The following SUGCT variants were observed in gnomAD, a reference collection of about 807,000 sequenced individuals.
The protein encoded by SUGCT is succinyl-CoA:glutarate CoA-transferase.
A neutral mutation model predicts 55.0 loss-of-function variants in SUGCT; 41 were observed. The observed-to-expected ratio is 0.74, with a 90% CI of 0.58 to 0.97. The LOEUF (loss-of-function observed/expected upper bound fraction) is 0.97, where lower values mean the gene tolerates loss of function less well. Ranked by LOEUF, SUGCT falls within the 50% of genes least tolerant of loss-of-function variation. SUGCT has a pLI of 0.00. For missense variants in SUGCT, 568 were observed against 547.8 expected, an observed-to-expected ratio of 1.04 and a Z score of -0.37; for synonymous variants, 187 against 200.4, an observed-to-expected ratio of 0.93 and a Z score of 0.56.
At chr7:40,342,118 G>GC (rs1330393923) in intron 9 of SUGCT, among the ~76,000 whole-genome samples, 7 of 152,306 alleles carry the variant, frequency 4.6e-5, no homozygotes, top group African/African-American at 1.7e-4. Context: ...GGCAGGGGAA[G>GC]CCCCTGAGAA....
intron 12 of SUGCT, among the ~76,000 whole-genome samples, chr7:40,556,560 T>C (rs555914417): frequency 2.4e-4 from 36 of 152,334 alleles, no homozygotes; most frequent in Non-Finnish European, 5.0e-4. Context: ...ATTTGTAGAA[T>C]GAATGAATGC....
At chr7:40,394,374 A>G (rs1369537332) in intron 9 of SUGCT, among the ~76,000 whole-genome samples, 2 of 152,192 alleles carry the variant, frequency 1.3e-5, no homozygotes, top group Non-Finnish European at 2.9e-5. Flanking sequence ...CCCTGTTGCA[A>G]CTACTTAATT....
intron 9 of SUGCT, among the ~76,000 whole-genome samples, chr7:40,344,051 C>T (rs73688047): frequency 0.015 from 2,313 of 152,190 alleles, 49 homozygotes; most frequent in South Asian, 0.059. Context: ...TTTTGTATTC[C>T]CTAGGTAACT....
the SUGCT span, among the ~76,000 whole-genome samples, chr7:40,882,105 C>A: frequency 6.6e-6 from 1 of 152,168 alleles, no homozygotes; most frequent in Non-Finnish European, 1.5e-5. Context: ...ACCAGATCTG[C>A]CACACACAGG....
At chr7:40,277,515 C>G (rs1194437170) in intron 8 of SUGCT, among the ~76,000 whole-genome samples, 1 of 151,988 alleles carries the variant, frequency 6.6e-6, no homozygotes, top group Non-Finnish European at 1.5e-5. Context: ...AGCAAGAGTT[C>G]TGTTTCTTTA....
the SUGCT span, among the ~76,000 whole-genome samples, chr7:40,998,037 T>C: frequency 6.6e-6 from 1 of 152,138 alleles, no homozygotes; most frequent in Non-Finnish European, 1.5e-5. Flanking sequence ...TCTGTAGTTT[T>C]AAGAAGAATT....
intron 12 of SUGCT, among the ~76,000 whole-genome samples, chr7:40,591,212 T>C (rs1211123016): frequency 6.6e-6 from 1 of 152,194 alleles, no homozygotes; most frequent in East Asian, 1.9e-4. Context: ...CCAATATTAA[T>C]CAGGGTTTGG....
At chr7:40,214,563 T>G (rs1047245197) in intron 6 of SUGCT, among the ~76,000 whole-genome samples, 1 of 152,044 alleles carries the variant, frequency 6.6e-6, no homozygotes, top group Non-Finnish European at 1.5e-5. Context: ...CAGAGAGTTG[T>G]AGTTGTGGTG....
the SUGCT span, among the ~76,000 whole-genome samples, chr7:40,915,506 C>A: frequency 2.0e-5 from 3 of 152,126 alleles, no homozygotes; most frequent in African/African-American, 7.2e-5. Context: ...ACAGTAATAA[C>A]AACAACAAAA....
chr7:40,247,982 A>G (rs1790019169), intron 7 of SUGCT, among the ~76,000 whole-genome samples: 1 of 149,536 alleles, frequency 6.7e-6, no homozygotes, highest in African/African-American at 2.5e-5. Flanking sequence ...TAGAAGGTTT[A>G]TAGTTGTGAT....
At chr7:40,869,003 G>A in the SUGCT span, among the ~76,000 whole-genome samples, 1 of 152,160 alleles carries the variant, frequency 6.6e-6, no homozygotes, top group African/African-American at 2.4e-5. Context: ...TATGTAAACT[G>A]GAAAATTAGC....
chr7:40,786,177 A>G (rs1185195029), intron 13 of SUGCT, among the ~76,000 whole-genome samples: 4 of 152,180 alleles, frequency 2.6e-5, no homozygotes, highest in African/African-American at 9.6e-5. Flanking sequence ...CAGTAAGTGA[A>G]ATATTGATGA....
chr7:40,705,694 A>G (rs991428742), intron 12 of SUGCT, among the ~76,000 whole-genome samples: 4 of 152,222 alleles, frequency 2.6e-5, no homozygotes, highest in Admixed American at 6.5e-5. Flanking sequence ...CAGAAGCTAT[A>G]GAGCTTGAAG....
At chr7:40,377,201 TTC>T (rs534807347) in intron 9 of SUGCT, among the ~76,000 whole-genome samples, 1 of 6,222 alleles carries the variant, frequency 1.6e-4, no homozygotes, top group African/African-American at 1.8e-4. Flanking sequence ...TTTCTTTCTT[TTC>T]TTTTCTTTTC....
chr7:40,855,426 C>A (rs1350540153), intron 13 of SUGCT, among the ~76,000 whole-genome samples: 1 of 151,978 alleles, frequency 6.6e-6, no homozygotes, highest in Non-Finnish European at 1.5e-5. Flanking sequence ...TCCTTGGGAG[C>A]ATCTTTTACT....
chr7:40,734,706 T>A (rs1203723), intron 12 of SUGCT, among the ~76,000 whole-genome samples: 13,914 of 152,150 alleles, frequency 0.091, 2,118 homozygotes, highest in African/African-American at 0.32. Flanking sequence ...TTACACTTTT[T>A]TGTTACTTTG....
chr7:40,277,894 T>G (rs1042924706), intron 8 of SUGCT, among the ~76,000 whole-genome samples: 2 of 151,906 alleles, frequency 1.3e-5, no homozygotes, highest in African/African-American at 4.8e-5. Flanking sequence ...TGTCTCCATG[T>G]GTTGTCATTG....
rs70996898 is a variant in SUGCT at position 40,255,660 on chromosome 7, C to CAAAAA, written c.576+17957_576+17961dup. ...TGGGCGGCTGAGTGAGACTCTGTAT[C>CAAAAA]AAAAAAAAAAAAAAAAAAAAAAAAA... On this transcript the variant is annotated intron_variant, in intron 7 of 13. Transcript: ENST00000335693. 4.2e-4 allele frequency among the ~76,000 whole-genome samples: 23 copies of CAAAAA among 54,202 alleles called. 1 individual carries two copies. Among genetic ancestry groups the CAAAAA allele is most frequent in the African/African-American group, 9.3e-4 (11 of 11,816 alleles). 35.6% of individuals were successfully genotyped at this position (54,202 alleles called of 152,430 possible). A position where few individuals can be genotyped will look rare whatever the true frequency, so the allele number is the denominator to read the frequency against.
At chr7:40,136,287 C>T (rs968583893) in intron 1 of SUGCT, among the ~76,000 whole-genome samples, 3 of 152,296 alleles carry the variant, frequency 2.0e-5, no homozygotes, top group South Asian at 4.1e-4. Context: ...CGTGAGCCAC[C>T]GCGCCTGGCG....
Sources: gnomAD v4.1 joint callset for allele counts (sites outside exome capture counted in the v4.1 genomes callset) on GRCh38, gnomAD v4.1.1 for gene constraint, MANE v1.5 for transcripts, NCBI Gene and HGNC (gene_info 2026-07-23, HGNC 2026-07-21) for gene names.